Variants in CFAP61 observed in about 807,000 individuals in gnomAD.
CFAP61 encodes cilia- and flagella-associated protein 61.
A neutral mutation model predicts 135.6 loss-of-function variants in CFAP61; 107 were observed. The ratio of observed to expected loss-of-function variants is 0.79; its 90% CI spans 0.67 to 0.93. CFAP61 has a LOEUF of 0.93. Among genes scored for constraint, CFAP61 ranks in the 40% least tolerant of loss-of-function variants. The pLI, the probability that CFAP61 is intolerant of heterozygous loss-of-function variation, is 0.00. For synonymous variants in CFAP61, 575 were observed against 578.5 expected, an observed-to-expected ratio of 0.99 and a Z score of 0.09; for missense variants, 1,507 against 1,556.2, an observed-to-expected ratio of 0.97 and a Z score of 0.53.
At chr20:20,058,997 T>C (rs532123734) in intron 2 of CFAP61, among the ~76,000 whole-genome samples, 101 of 152,214 alleles carry the variant, frequency 6.6e-4, no homozygotes, top group African/African-American at 2.4e-3. Context: ...AAAATAACTA[T>C]GTTTACTATG....
chr20:20,070,924 G>C lies in CFAP61; in HGVS notation c.214G>C (p.Asp72His). 6.2e-7 allele frequency: 1 copy of C among 1,614,164 alleles called. No individual in the cohort carries two copies. Among genetic ancestry groups the C allele is most frequent in the Non-Finnish European group, 8.5e-7 (1 of 1,180,012 alleles). The change falls in exon 3 of 27, where the codon GAC becomes CAC. Residue 72 changes from aspartate to histidine, a missense_variant. Asp to His is a moderately conservative substitution (Grantham distance 81). Transcript: ENST00000245957. ...EEIMAQATFLDYPNWNVAKQD... is the reference protein window; with the variant it reads ...EEIMAQATFLHYPNWNVAKQD... ...GATCATGGCCCAGGCCACCTTCCTG[G>C]ACTACCCCAACTGGAATGTTGCCAA...
chr20:20,212,540 C>G (rs1009408755), intron 17 of CFAP61, among the ~76,000 whole-genome samples: 1 of 152,166 alleles, frequency 6.6e-6, no homozygotes, highest in Non-Finnish European at 1.5e-5. Context: ...GTTTGTCTCT[C>G]CCTGAGCCTG....
intron 24 of CFAP61, among the ~76,000 whole-genome samples, chr20:20,296,483 C>T (rs2055628956): frequency 6.8e-6 from 1 of 148,060 alleles, no homozygotes; most frequent in South Asian, 2.2e-4. Flanking sequence ...TCTTTTTCCT[C>T]CCTCCCTCCT....
In CFAP61 at chr20:20,166,015, A is replaced by T. The variant is rs549476309; in HGVS notation, c.1206-382A>T. ...CAGTGTGGTTTGCCTATGAATGTAC[A>T]TCTACAGCTAGTCAGAAAATCTTCA... On this transcript the variant is annotated intron_variant, in intron 11 of 26. Coordinates refer to ENST00000245957, the MANE Select transcript of CFAP61 (RefSeq NM_015585.4). Among the ~76,000 whole-genome samples the T allele has an allele frequency of 3.5e-4, 54 of 152,336 alleles. No homozygotes were observed. In the South Asian group the frequency reaches 0.011, roughly 31 times the overall value.
chr20:20,356,124 G>C (rs1371039972), intron 26 of CFAP61, among the ~76,000 whole-genome samples: 1 of 125,550 alleles, frequency 8.0e-6, no homozygotes, highest in Non-Finnish European at 1.8e-5. Context: ...ACTGAGGGGA[G>C]GTAGTCACAC....
At chr20:20,181,176 C>CAT (rs11471624) in intron 13 of CFAP61, among the ~76,000 whole-genome samples, 132,633 of 146,876 alleles carry the variant, frequency 0.9, 60,691 homozygotes, top group Middle Eastern at 0.99. Context: ...TATATATACA[C>CAT]ATATATATGC....
At chr20:20,271,937 C>G (rs972111974) in intron 21 of CFAP61, among the ~76,000 whole-genome samples, 4 of 152,126 alleles carry the variant, frequency 2.6e-5, no homozygotes, top group African/African-American at 9.7e-5. Flanking sequence ...TTTTTCCACT[C>G]TACTTCTTTT....
At position 20,277,161 on chromosome 20, in the gene CFAP61, C is replaced by T; in HGVS notation, c.2504-5C>T. 1 of 1,594,954 alleles carries T rather than the reference C, an allele frequency of 6.3e-7. No individual in the cohort carries two copies. The highest frequency in any genetic ancestry group is 2.2e-5 in the East Asian group (1 of 44,510). Reference sequence around the variant, plus strand: ...TATATCTTAGCGTTTTCCCTTCTTTCCTAGGGAATATCATTGTCTATGGGA... The same window carrying T: ...TATATCTTAGCGTTTTCCCTTCTTTTCTAGGGAATATCATTGTCTATGGGA... On this transcript the variant is annotated splice_polypyrimidine_tract_variant and splice_region_variant and intron_variant, in intron 21 of 26. Coordinates refer to ENST00000245957, the MANE Select transcript of CFAP61 (RefSeq NM_015585.4).
rs1368020141 is a variant in CFAP61 at position 20,247,783 on chromosome 20, G to C, written c.2159+1568G>C. ...ACACCAGCCTCCTCGATGTTCCTCAGATGCAACGGGCAAGTCCCCACCTTG... is the reference window on the plus strand; with the variant it reads ...ACACCAGCCTCCTCGATGTTCCTCACATGCAACGGGCAAGTCCCCACCTTG... On this transcript the variant is annotated intron_variant, in intron 19 of 26. Transcript: ENST00000245957. Among the ~76,000 whole-genome samples, 3 of 152,148 alleles carry C rather than the reference G, an allele frequency of 2.0e-5. No individual in the cohort carries two copies. The South Asian group carries it at 6.2e-4, about 32-fold the overall frequency.
At chr20:20,137,725 C>T (rs968995445) in intron 8 of CFAP61, among the ~76,000 whole-genome samples, 5 of 152,166 alleles carry the variant, frequency 3.3e-5, no homozygotes, top group African/African-American at 4.8e-5. Context: ...CCCTAAGAGC[C>T]TGTTTGGTGC....
chr20:20,129,357 G>GT (rs1006019229), intron 8 of CFAP61, among the ~76,000 whole-genome samples: 1 of 151,776 alleles, frequency 6.6e-6, no homozygotes. Context: ...TCCAAAGGAA[G>GT]TTTTTTAATT....
At chr20:20,136,255 G>T (rs1366121575) in intron 8 of CFAP61, among the ~76,000 whole-genome samples, 3 of 151,816 alleles carry the variant, frequency 2.0e-5, no homozygotes, top group Non-Finnish European at 2.9e-5. Context: ...ATACTTCTTA[G>T]ACTTGAATAT....
intron 2 of CFAP61, among the ~76,000 whole-genome samples, chr20:20,061,753 T>G (rs917553273): frequency 3.3e-5 from 5 of 152,218 alleles, no homozygotes; most frequent in African/African-American, 1.2e-4. Context: ...CCTGCTGTAG[T>G]CCCCATGTTT....
At chr20:20,337,888 G>A (rs964273756) in intron 25 of CFAP61, among the ~76,000 whole-genome samples, 2 of 152,126 alleles carry the variant, frequency 1.3e-5, no homozygotes, top group African/African-American at 2.4e-5. Flanking sequence ...AAGCAAGGAC[G>A]AACCACGGAG....
intron 25 of CFAP61, among the ~76,000 whole-genome samples, chr20:20,304,547 G>A (rs574073016): frequency 1.8e-4 from 27 of 150,852 alleles, no homozygotes; most frequent in Admixed American, 1.1e-3. Flanking sequence ...ACACTCACAC[G>A]GCACTCACAA....
intron 1 of CFAP61, among the ~76,000 whole-genome samples, chr20:20,053,903 G>T (rs6046576): frequency 0.14 from 21,525 of 151,694 alleles, 1,667 homozygotes; most frequent in East Asian, 0.22. Flanking sequence ...TGTTGCCTTT[G>T]CTCAAAAGTA....
At chr20:20,112,988 T>C (rs2048901547) in intron 8 of CFAP61, among the ~76,000 whole-genome samples, 1 of 152,218 alleles carries the variant, frequency 6.6e-6, no homozygotes, top group Admixed American at 6.5e-5. Context: ...TGTCCTCTTG[T>C]CTTTAATTTC....
intron 2 of CFAP61, among the ~76,000 whole-genome samples, chr20:20,057,230 G>T (rs2044426956): frequency 6.6e-6 from 1 of 151,648 alleles, no homozygotes; most frequent in Admixed American, 6.6e-5. Flanking sequence ...GTAGCTTACT[G>T]CACAGTGAAA....
chr20:20,277,111 TA>T, intron 21 of CFAP61, 54 bp from the exon 22 acceptor site: 1 of 1,386,748 alleles, frequency 7.2e-7, no homozygotes, highest in Admixed American at 1.9e-5. Context: ...AGCATTTGAC[TA>T]AGGTTTTTTG....
Sources: gnomAD v4.1 joint callset for allele counts (sites outside exome capture counted in the v4.1 genomes callset) on GRCh38, gnomAD v4.1.1 for gene constraint, MANE v1.5 for transcripts, NCBI Gene and HGNC (gene_info 2026-07-23, HGNC 2026-07-21) for gene names.